The following TUBA3C variants were observed in gnomAD, a reference collection of about 807,000 sequenced individuals.
TUBA3C encodes the protein tubulin alpha-3C chain.
Under a neutral mutation model 33.4 loss-of-function variants are expected in TUBA3C, and 23 were observed. That is an observed-to-expected ratio of 0.69 (90% CI 0.50 to 0.98). The LOEUF is 0.98. TUBA3C is among the 50% of genes least tolerant of loss of function. TUBA3C has a pLI of 0.00. For synonymous variants in TUBA3C, 269 were observed against 250.4 expected, an observed-to-expected ratio of 1.07 and a Z score of -0.70; for missense variants, 402 against 616.0, an observed-to-expected ratio of 0.65 and a Z score of 3.68.
rs1334815299 is a variant in TUBA3C, at chr13:19,179,402, C to G, written c.165G>C (p.Glu55Asp). The G allele has an allele frequency of 6.2e-7, 1 of 1,613,884 alleles. No homozygotes were observed. The highest frequency in any genetic ancestry group is 1.7e-5 in the Admixed American group (1 of 60,004). Residue 55 changes from glutamate to aspartate, a missense_variant, in exon 2 of 5, where the codon GAG (glutamate) becomes GAC (aspartate). Glu to Asp is a conservative substitution (Grantham distance 45). Transcript: ENST00000400113. ...TGGGCACGTGCTTGCCAGCTCCAGT[C>G]TCACTGAAGAACGTGTTGAAGGAGT... ...GDDSFNTFFSETGAGKHVPRA... is the reference protein window; with the variant it reads ...GDDSFNTFFSDTGAGKHVPRA...
chr13:19,175,490 C>A (rs1359380725), intron 4 of TUBA3C, among the ~76,000 whole-genome samples: 6 of 152,152 alleles, frequency 3.9e-5, no homozygotes, highest in African/African-American at 1.4e-4. Flanking sequence ...CTGCCTCTGG[C>A]TCAGACCCCC....
chr13:19,178,681 C>A (rs1203072694), intron 2 of TUBA3C, among the ~76,000 whole-genome samples: 1 of 152,168 alleles, frequency 6.6e-6, no homozygotes, highest in African/African-American at 2.4e-5. Context: ...GCTCCAGCAC[C>A]CCCACACAGG....
At chr13:19,180,165 G>A (rs1869352227) in intron 1 of TUBA3C, among the ~76,000 whole-genome samples, 1 of 152,182 alleles carries the variant, frequency 6.6e-6, no homozygotes, top group South Asian at 2.1e-4. Flanking sequence ...GGAGGCTGGA[G>A]GAGAGTGGCG....
At chr13:19,180,696 C>A (rs936689760) in intron 1 of TUBA3C, among the ~76,000 whole-genome samples, 1 of 151,926 alleles carries the variant, frequency 6.6e-6, no homozygotes, top group South Asian at 2.1e-4. Context: ...GGGGTTTCAC[C>A]GTGTTAGCCA....
At chr13:19,180,348 G>T (rs896507281) in intron 1 of TUBA3C, among the ~76,000 whole-genome samples, 9 of 148,780 alleles carry the variant, frequency 6.0e-5, no homozygotes, top group Non-Finnish European at 1.3e-4. Context: ...ATGGCTCCCA[G>T]ATGTCATCAG....
chr13:19,176,171 C>T (rs566106544), intron 4 of TUBA3C, among the ~76,000 whole-genome samples: 2 of 152,106 alleles, frequency 1.3e-5, no homozygotes, highest in African/African-American at 4.8e-5. Flanking sequence ...GTAATCCCAA[C>T]ATTTTGGGAG....
chr13:19,178,464 C>T, intron 2 of TUBA3C, 70 bp from the exon 3 acceptor site: 1 of 1,575,848 alleles, frequency 6.3e-7, no homozygotes, highest in Non-Finnish European at 8.6e-7. Context: ...CATTCCAGGA[C>T]TGTTCACTTC....
In TUBA3C at chr13:19,178,337, C is replaced by A; in HGVS notation, c.284G>T (p.Gly95Val). 1 of 1,614,140 alleles carries A rather than the reference C, an allele frequency of 6.2e-7. No individual in the cohort carries two copies. Among genetic ancestry groups the A allele is most frequent in the South Asian group, 1.1e-5 (1 of 91,062 alleles). Residue 95 changes from glycine (G) to valine (V), a missense_variant, in exon 3 of 5, where the codon GGG becomes GTG. Physicochemically the swap from Gly to Val is moderately radical, Grantham distance 109. Coordinates refer to ENST00000400113, the MANE Select transcript of TUBA3C (RefSeq NM_006001.3). Reference protein sequence around the residue: ...QLFHPEQLITGKEDAANNYAR... With the variant: ...QLFHPEQLITVKEDAANNYAR... ...GTAATTATTGGCCGCATCTTCCTTC[C>A]CGGTGATCAGCTGCTCTGGGTGGAA...
chr13:19,176,862 C>A (rs1190793879), intron 4 of TUBA3C, 65 bp downstream of exon 4: 1 of 1,559,786 alleles, frequency 6.4e-7, no homozygotes, highest in Non-Finnish European at 8.7e-7. Flanking sequence ...CCTTCAGGGG[C>A]AGCATTACTC....
chr13:19,178,725 T>G (rs766499187), intron 2 of TUBA3C, among the ~76,000 whole-genome samples: 4 of 152,210 alleles, frequency 2.6e-5, no homozygotes, highest in Non-Finnish European at 5.9e-5. Context: ...TTCCTACATG[T>G]AGCTACATCG....
chr13:19,177,146 C>T lies in TUBA3C; in HGVS notation c.837G>A (p.Glu279=). 6.2e-7 allele frequency: 1 copy of T among 1,614,100 alleles called. No individual in the cohort carries two copies. Among genetic ancestry groups the T allele is most frequent in the East Asian group, 2.2e-5 (1 of 44,876 alleles). ...CGGACAGCTGCTCGTGGTAGGCCTT[C>T]TCGGCTGAGATGACCGGGGCGTAGG... ...LATYAPVISA[E]KAYHEQLSVA... The change falls in exon 4 of 5, where the codon GAG becomes GAA. Residue 279 remains glutamate, a synonymous_variant. Transcript: ENST00000400113. The surrounding 1 kb of genome is among the most constrained non-coding windows in gnomAD (Gnocchi z 5.0).
At chr13:19,181,384 A>G (rs1313368672) in intron 1 of TUBA3C, among the ~76,000 whole-genome samples, 1 of 152,038 alleles carries the variant, frequency 6.6e-6, no homozygotes, top group Non-Finnish European at 1.5e-5. Context: ...GGGGCTCCTC[A>G]GTGGTTTCCA....
At position 19,178,501 on chromosome 13, in the gene TUBA3C, A is replaced by G. The variant is rs1869284215; in HGVS notation, c.227-107T>C. Reference sequence around the variant, plus strand: ...ACAAAGTACATGCTGTTCAAAGTACATGACCTACATGTTGTAGGTCAACAG... The same window carrying G: ...ACAAAGTACATGCTGTTCAAAGTACGTGACCTACATGTTGTAGGTCAACAG... On this transcript the variant is annotated intron_variant, in intron 2 of 4. Coordinates refer to ENST00000400113, the MANE Select transcript of TUBA3C (RefSeq NM_006001.3). 3.4e-6 allele frequency: 5 copies of G among 1,452,910 alleles called. No individual in the cohort carries two copies. The African/African-American group carries it at 4.2e-5, about 12-fold the overall frequency. The allele number at this position is 1,452,910 out of a possible 1,614,324, so 90.0% of individuals were successfully genotyped here. A position where few individuals can be genotyped will look rare whatever the true frequency, so the allele number is the denominator to read the frequency against.
Position 19,179,364 on chromosome 13 carries a change from A to C in TUBA3C, c.203T>G (p.Val68Gly), listed in dbSNP as rs1869316161. The C allele has an allele frequency of 6.2e-7, 1 of 1,614,002 alleles. No homozygotes were observed. ...ACCGACCACAGTGGGCTCCAGGTCCACAAACACTGCTCTGGGCACGTGCTT... is the reference window on the plus strand; with the variant it reads ...ACCGACCACAGTGGGCTCCAGGTCCCCAAACACTGCTCTGGGCACGTGCTT... ...AGKHVPRAVF[V>G]DLEPTVVDEV... The change falls in exon 2 of 5, where the codon GTG becomes GGG. Residue 68 changes from valine to glycine, a missense_variant. Coordinates refer to ENST00000400113, the MANE Select transcript of TUBA3C (RefSeq NM_006001.3).
rs1375633970 is a variant in TUBA3C at position 19,177,851 on chromosome 13, T to TC, written c.376-245_376-244insG. ...TCAAGATACTGTTCTAAGTTGTTTT[T>TC]TTTTTTTTTTTTTTAGATAGAATCT... On this transcript the variant is annotated intron_variant, in intron 3 of 4. Coordinates refer to ENST00000400113, the MANE Select transcript of TUBA3C (RefSeq NM_006001.3). This position sits in a 1 kb window ranked among gnomAD's most constrained non-coding sequence, Gnocchi z 5.0. Among the ~76,000 whole-genome samples the TC allele has an allele frequency of 1.3e-5, 2 of 151,018 alleles. No individual in the cohort carries two copies. Among genetic ancestry groups the TC allele is most frequent in the East Asian group, 1.9e-4 (1 of 5,166 alleles).
At position 19,179,420 on chromosome 13, in the gene TUBA3C, G is replaced by GA; in HGVS notation, c.146dup (p.Asn50GlnfsTer6). On this transcript the variant is annotated frameshift_variant, in exon 2 of 5. Coordinates refer to ENST00000400113, the MANE Select transcript of TUBA3C (RefSeq NM_006001.3). LOFTEE classifies it high-confidence loss of function. ...CTCCAGTCTCACTGAAGAACGTGTT[G>GA]AAGGAGTCGTCCCCACCACCAATGG... The GA allele has an allele frequency of 6.2e-7, 1 of 1,614,046 alleles. No homozygotes were observed. The highest frequency in any genetic ancestry group is 8.5e-7 in the Non-Finnish European group (1 of 1,179,932).
At chr13:19,180,506 A>T (rs1007593081) in intron 1 of TUBA3C, among the ~76,000 whole-genome samples, 1 of 149,588 alleles carries the variant, frequency 6.7e-6, no homozygotes, top group Non-Finnish European at 1.5e-5. Flanking sequence ...CTATGAAAAA[A>T]AATTTTTTTT....
At position 19,174,145 on chromosome 13, in the gene TUBA3C, G is replaced by A. The variant is rs1479464448; in HGVS notation, c.1071C>T (p.Tyr357=). 2 of 1,611,368 alleles carry A rather than the reference G, an allele frequency of 1.2e-6. No homozygotes were observed. The highest frequency in any genetic ancestry group is 1.3e-5 in the African/African-American group (1 of 74,876). The change falls in exon 5 of 5, where the codon TAC becomes TAT. Residue 357 remains tyrosine (Y), a synonymous_variant. Coordinates refer to ENST00000400113, the MANE Select transcript of TUBA3C (RefSeq NM_006001.3). ...CCCCAGGGACCACCGTGGGGGGCTG[G>A]TAGTTAATGCCCACCTGCCGGAGAA... The part of the protein sequence containing the change: ...CPTGFKVGIN[Y]QPPTVVPGGD...
At position 19,177,594 on chromosome 13, in the gene TUBA3C, G is replaced by A. The variant is rs923497577; in HGVS notation, c.389C>T (p.Thr130Met). 26 of 1,587,288 alleles carry A rather than the reference G, an allele frequency of 1.6e-5. No individual in the cohort carries two copies. Among genetic ancestry groups the A allele is most frequent in the Middle Eastern group, 1.7e-4 (1 of 5,908 alleles). ...GAAGATGAGGAAGCCCTGCAGTCCCGTGCACAGATCCGCCTGAGGGAAACC... is the reference window on the plus strand; with the variant it reads ...GAAGATGAGGAAGCCCTGCAGTCCCATGCACAGATCCGCCTGAGGGAAACC... ...DRIRKLADLC[T>M]GLQGFLIFHS... is the part of the protein sequence containing the mutation. The change falls in exon 4 of 5, where the codon ACG (threonine) becomes ATG (methionine). Residue 130 changes from threonine (T) to methionine (M), a missense_variant. By Grantham distance (81) the Thr-to-Met change is moderately conservative. Coordinates refer to ENST00000400113, the MANE Select transcript of TUBA3C (RefSeq NM_006001.3). The surrounding 1 kb of genome is among the most constrained non-coding windows in gnomAD (Gnocchi z 5.0).
Sources: gnomAD v4.1 joint callset for allele counts (sites outside exome capture counted in the v4.1 genomes callset) on GRCh38, gnomAD v4.1.1 for gene constraint, Gnocchi (gnomAD v3.1) non-coding constraint, MANE v1.5 for transcripts, NCBI Gene and HGNC (gene_info 2026-07-23, HGNC 2026-07-21) for gene names.